The following SCLT1 variants were observed in gnomAD, a reference collection of about 807,000 sequenced individuals.
SCLT1 encodes the protein sodium channel and clathrin linker 1, also known as sodium channel-associated protein 1.
In SCLT1, 78 loss-of-function variants were observed where a neutral mutation model predicts 112.8. That is an observed-to-expected ratio of 0.69 (90% CI 0.58 to 0.83). The LOEUF (loss-of-function observed/expected upper bound fraction) is 0.83, where lower values mean the gene tolerates loss of function less well. SCLT1 is among the 40% of genes least tolerant of loss of function. The pLI is 0.00. For synonymous variants in SCLT1, 257 were observed against 254.7 expected (o/e 1.01, Z -0.09); for missense variants, 747 against 770.4 (o/e 0.97, Z 0.36).
At chr4:128,928,411 C>A (rs932601587) in intron 18 of SCLT1, among the ~76,000 whole-genome samples, 1 of 152,080 alleles carries the variant, frequency 6.6e-6, no homozygotes, top group African/African-American at 2.4e-5. Flanking sequence ...GAATGCATTA[C>A]AATCATGTTG....
chr4:129,088,036 G>A (rs1298928258), intron 1 of SCLT1, among the ~76,000 whole-genome samples: 5 of 151,510 alleles, frequency 3.3e-5, no homozygotes, highest in African/African-American at 4.9e-5. Context: ...GCAAAGAGCC[G>A]TGATTGTGCC....
intron 9 of SCLT1, among the ~76,000 whole-genome samples, chr4:128,978,801 T>C (rs995539832): frequency 3.3e-5 from 5 of 151,776 alleles, no homozygotes; most frequent in Non-Finnish European, 1.5e-5. Context: ...GAAACTAAGA[T>C]TTCAAAACAA....
chr4:128,999,703 T>G lies in SCLT1; in HGVS notation c.518A>C (p.Gln173Pro). 6.2e-7 allele frequency: 1 copy of G among 1,606,276 alleles called. No individual in the cohort carries two copies. Among genetic ancestry groups the G allele is most frequent in the Non-Finnish European group, 8.5e-7 (1 of 1,174,950 alleles). ...TTTTTGACTTTCAAATACATGAATC[T>G]GGGCCTCAGTCATATGTTCCTGGTA... is the stretch of plus-strand genomic sequence containing the variant. ...KLYQEHMTEAQIHVFESQKQK... is the reference protein window; with the variant it reads ...KLYQEHMTEAPIHVFESQKQK... The change falls in exon 7 of 21, where the codon CAG (glutamine) becomes CCG (proline). Residue 173 changes from glutamine (Q) to proline (P), a missense_variant. Transcript: ENST00000281142.
chr4:128,878,690 C>G (rs1312930639), intron 3 of SCLT1, among the ~76,000 whole-genome samples: 2 of 151,992 alleles, frequency 1.3e-5, no homozygotes, highest in Admixed American at 1.3e-4. Flanking sequence ...TTTTTTTGGT[C>G]GATTAAAATT....
chr4:129,020,804 A>G (rs1455257162), intron 5 of SCLT1, among the ~76,000 whole-genome samples: 2 of 152,224 alleles, frequency 1.3e-5, no homozygotes, highest in East Asian at 3.8e-4. Flanking sequence ...TTTTTAATAC[A>G]TGAAATCATT....
chr4:129,021,956 G>A (rs1408451715), intron 5 of SCLT1, among the ~76,000 whole-genome samples: 2 of 152,168 alleles, frequency 1.3e-5, no homozygotes, highest in Non-Finnish European at 1.5e-5. Context: ...CTGGGATGGA[G>A]CAGGTAGCAA....
intron 12 of SCLT1, among the ~76,000 whole-genome samples, chr4:128,959,391 T>C (rs532558028): frequency 2.2e-4 from 33 of 152,188 alleles, no homozygotes; most frequent in Non-Finnish European, 4.1e-4. Flanking sequence ...AAGTCTGATA[T>C]TTATACATTA....
In SCLT1 at chr4:128,967,609, G is replaced by A. The variant is rs118163256; in HGVS notation, c.778-2291C>T. Among the ~76,000 whole-genome samples the A allele has an allele frequency of 2.6e-5, 4 of 152,288 alleles. No homozygotes were observed. The East Asian group carries it at 5.8e-4, about 22-fold the overall frequency. On this transcript the variant is annotated intron_variant, in intron 10 of 20. Coordinates refer to ENST00000281142, the MANE Select transcript of SCLT1 (RefSeq NM_144643.4). ...GATTTGCATTTTTCTAACTCATAGTGTTGAGCATTTTTTCATTTGCTTGTT... is the reference window on the plus strand; with the variant it reads ...GATTTGCATTTTTCTAACTCATAGTATTGAGCATTTTTTCATTTGCTTGTT...
Position 129,080,348 on chromosome 4 carries a change from C to A in SCLT1, c.102+1958G>T, listed in dbSNP as rs566759995. 1.1e-4 allele frequency among the ~76,000 whole-genome samples: 17 copies of A among 152,306 alleles called. No homozygotes were observed. The South Asian group carries it at 3.5e-3, about 32-fold the overall frequency. ...CAGTTTCAGACCATCTCTTTGCAAACACATATGAACTTACACTGTTAAAAG... is the reference window on the plus strand; with the variant it reads ...CAGTTTCAGACCATCTCTTTGCAAAAACATATGAACTTACACTGTTAAAAG... On this transcript the variant is annotated intron_variant, in intron 2 of 20. Transcript: ENST00000281142.
intron 9 of SCLT1, among the ~76,000 whole-genome samples, chr4:128,991,833 A>G (rs1742599244): frequency 6.6e-6 from 1 of 151,826 alleles, no homozygotes; most frequent in South Asian, 2.1e-4. Flanking sequence ...TATATAATCT[A>G]TTTGCATTTA....
chr4:128,953,766 T>A (rs568310306), intron 13 of SCLT1, among the ~76,000 whole-genome samples: 1 of 145,768 alleles, frequency 6.9e-6, no homozygotes, highest in African/African-American at 2.6e-5. Context: ...GCCACTGCAC[T>A]CCAGCCTGGG....
chr4:129,082,221 G>T (rs1333329426), intron 2 of SCLT1, 85 bp downstream of exon 2: 3 of 544,962 alleles, frequency 5.5e-6, no homozygotes, highest in Middle Eastern at 2.9e-4. Context: ...CCCATTACAG[G>T]AATCAAAGTT....
intron 18 of SCLT1, among the ~76,000 whole-genome samples, chr4:128,895,569 G>T (rs1320606475): frequency 6.6e-6 from 1 of 152,188 alleles, no homozygotes; most frequent in Non-Finnish European, 1.5e-5. Context: ...AGCCAAGATG[G>T]CTGAATAGGA....
chr4:129,052,332 C>A (rs558092427), intron 2 of SCLT1, among the ~76,000 whole-genome samples: 1 of 152,092 alleles, frequency 6.6e-6, no homozygotes, highest in Non-Finnish European at 1.5e-5. Context: ...TGGTAGAATC[C>A]GGCTGTGAAT....
chr4:129,046,137 C>A (rs1447394558), intron 2 of SCLT1, among the ~76,000 whole-genome samples: 2 of 152,010 alleles, frequency 1.3e-5, no homozygotes, highest in South Asian at 2.1e-4. Flanking sequence ...ACTCATGTAA[C>A]CAGAACTCAA....
chr4:129,040,123 TC>T (rs1747572822), intron 4 of SCLT1: 2 of 699,280 alleles, frequency 2.9e-6, no homozygotes, highest in Non-Finnish European at 5.2e-6. Context: ...ACCGAGAAGA[TC>T]AAGGAAGCTT....
intron 2 of SCLT1, among the ~76,000 whole-genome samples, chr4:129,049,391 A>T (rs1748528154): frequency 6.7e-6 from 1 of 149,886 alleles, no homozygotes; most frequent in South Asian, 2.1e-4. Context: ...AAAAAACCAA[A>T]CACCGCATGT....
intron 5 of SCLT1, among the ~76,000 whole-genome samples, chr4:129,017,584 A>G (rs1222672770): frequency 6.6e-6 from 1 of 152,156 alleles, no homozygotes; most frequent in African/African-American, 2.4e-5. Flanking sequence ...AATATCAACA[A>G]TTCAAGCTCA....
chr4:128,975,410 A>T (rs146475333), intron 9 of SCLT1, among the ~76,000 whole-genome samples: 1 of 152,250 alleles, frequency 6.6e-6, no homozygotes, highest in East Asian at 1.9e-4. Flanking sequence ...AGGATATAAT[A>T]CTAGATTTAA....
Sources: allele counts gnomAD v4.1 joint callset (sites outside exome capture counted in the v4.1 genomes callset), GRCh38; gene constraint gnomAD v4.1.1; transcripts MANE v1.5; gene names NCBI Gene and HGNC (gene_info 2026-07-23, HGNC 2026-07-21).